The following TNNI3K variants were observed in gnomAD, a reference collection of about 807,000 sequenced individuals.
TNNI3K encodes the protein serine/threonine-protein kinase TNNI3K.
In TNNI3K, 140 loss-of-function variants were observed where a neutral mutation model predicts 114.5. The ratio of observed to expected loss-of-function variants is 1.22; its 90% CI spans 1.07 to 1.41. The LOEUF is 1.41. Ranked by LOEUF, TNNI3K falls within the 40% of genes most tolerant of loss-of-function variation. The pLI is 0.00. For synonymous variants in TNNI3K, 347 were observed against 347.5 expected (o/e 1.00, Z 0.02); for missense variants, 1,125 against 1,007.6 (o/e 1.12, Z -1.58).
intron 11 of TNNI3K, among the ~76,000 whole-genome samples, chr1:74,356,952 G>T (rs970081410): frequency 4.6e-5 from 7 of 152,164 alleles, no homozygotes; most frequent in Non-Finnish European, 8.8e-5. Context: ...TTTTGCAAAT[G>T]TTCTAGGGCA....
rs898518726 is a variant in TNNI3K, at chr1:74,480,257, G to A, written c.2122-8932G>A. 4.2e-6 allele frequency: 3 copies of A among 717,416 alleles called. No homozygotes were observed. The African/African-American group carries it at 5.2e-5, about 13-fold the overall frequency. The allele number at this position is 717,416 out of a possible 1,614,324, so 44.4% of individuals were successfully genotyped here. A position where few individuals can be genotyped will look rare whatever the true frequency, so the allele number is the denominator to read the frequency against. On this transcript the variant is annotated intron_variant, in intron 21 of 24. Transcript: ENST00000326637. The stretch of plus-strand genomic sequence containing the variant: ...GTTGGGAGCTTTGGAATCACAGTTG[G>A]TCTCAGACAGCCTCAGCACACTCTG...
chr1:74,513,110 C>T (rs1163248304), intron 23 of TNNI3K, among the ~76,000 whole-genome samples: 1 of 152,198 alleles, frequency 6.6e-6, no homozygotes, highest in Non-Finnish European at 1.5e-5. Context: ...TAGCACACAG[C>T]TTGCTCAGTC....
At chr1:74,470,849 G>C (rs1667892031) in intron 21 of TNNI3K, 1 of 400,432 alleles carries the variant, frequency 2.5e-6, no homozygotes, top group Non-Finnish European at 4.4e-6. Flanking sequence ...TGATTCCTCG[G>C]GGACAAAGAA....
intron 2 of TNNI3K, among the ~76,000 whole-genome samples, chr1:74,243,179 A>T (rs565542819): frequency 1.3e-5 from 2 of 152,224 alleles, no homozygotes; most frequent in Non-Finnish European, 2.9e-5. Flanking sequence ...CTCTAACTAT[A>T]ATTGTTTATT....
chr1:74,484,974 G>A (rs575274944), intron 21 of TNNI3K, among the ~76,000 whole-genome samples: 1 of 152,182 alleles, frequency 6.6e-6, no homozygotes, highest in East Asian at 1.9e-4. Flanking sequence ...AAGGATGAGA[G>A]GTAAGCATAT....
intron 5 of TNNI3K, among the ~76,000 whole-genome samples, chr1:74,294,109 A>G (rs1482607877): frequency 6.6e-6 from 1 of 151,768 alleles, no homozygotes; most frequent in African/African-American, 2.4e-5. Context: ...TAATTTACAA[A>G]TAAAAATTAT....
rs569547573 is a variant in TNNI3K, at chr1:74,488,644, G to A, written c.2122-545G>A. Among the ~76,000 whole-genome samples, 7 of 152,240 alleles carry A rather than the reference G, an allele frequency of 4.6e-5. No individual in the cohort carries two copies. The South Asian group carries it at 1.2e-3, about 27-fold the overall frequency. Reference sequence around the variant, plus strand: ...TTTTTAACCAAACTCGTCTGACACAGAGGTTCATAATGGGCAATATTTTTA... The same window carrying A: ...TTTTTAACCAAACTCGTCTGACACAAAGGTTCATAATGGGCAATATTTTTA... On this transcript the variant is annotated intron_variant, in intron 21 of 24. Coordinates refer to ENST00000326637, the MANE Select transcript of TNNI3K (RefSeq NM_015978.3).
chr1:74,250,591 C>A, intron 3 of TNNI3K, 81 bp from the exon 4 acceptor site: 3 of 1,315,752 alleles, frequency 2.3e-6, no homozygotes, highest in Middle Eastern at 1.9e-4. Context: ...AGCTGTATGG[C>A]ATTTATCATT....
intron 17 of TNNI3K, chr1:74,376,793 C>T (rs916046775): frequency 6.6e-6 from 1 of 151,358 alleles, no homozygotes; most frequent in African/African-American, 2.4e-5. Context: ...TACAAACTTT[C>T]CTGAAGAATC....
rs564735792 is a variant in TNNI3K, at chr1:74,244,294, G to A, written c.150-5165G>A. ...TTAAGAGAAGCTGCATGAGTTCAAGGAGGATATAATTCAAGAGGAGAACAA... is the reference window on the plus strand; with the variant it reads ...TTAAGAGAAGCTGCATGAGTTCAAGAAGGATATAATTCAAGAGGAGAACAA... On this transcript the variant is annotated intron_variant, in intron 2 of 24. Coordinates refer to ENST00000326637, the MANE Select transcript of TNNI3K (RefSeq NM_015978.3). Among the ~76,000 whole-genome samples, 3 of 152,142 alleles carry A rather than the reference G, an allele frequency of 2.0e-5. No individual in the cohort carries two copies. The South Asian group carries it at 6.2e-4, about 32-fold the overall frequency.
At chr1:74,460,380 C>T (rs532066794) in intron 20 of TNNI3K, among the ~76,000 whole-genome samples, 1 of 152,290 alleles carries the variant, frequency 6.6e-6, no homozygotes, top group African/African-American at 2.4e-5. Context: ...CTATTGGATA[C>T]TCCTACTCTA....
intron 5 of TNNI3K, among the ~76,000 whole-genome samples, chr1:74,280,622 A>G (rs1463543780): frequency 6.6e-6 from 1 of 152,178 alleles, no homozygotes; most frequent in Non-Finnish European, 1.5e-5. Flanking sequence ...GCCCCCATGG[A>G]GGGAGCATTT....
At chr1:74,458,075 G>T (rs1667300644) in intron 20 of TNNI3K, among the ~76,000 whole-genome samples, 1 of 152,176 alleles carries the variant, frequency 6.6e-6, no homozygotes, top group African/African-American at 2.4e-5. Flanking sequence ...ATGTGCAGAT[G>T]ATGATAATAG....
chr1:74,279,053 A>G (rs1262968424), intron 5 of TNNI3K, among the ~76,000 whole-genome samples: 3 of 152,212 alleles, frequency 2.0e-5, no homozygotes, highest in Non-Finnish European at 4.4e-5. Flanking sequence ...TTATAAATCA[A>G]TGCTGGAAGG....
intron 21 of TNNI3K, chr1:74,475,495 C>A (rs1054954149): frequency 7.0e-6 from 5 of 716,868 alleles, no homozygotes; most frequent in Non-Finnish European, 1.3e-5. Flanking sequence ...GCCTACCCCA[C>A]GGTCTTTCTT....
chr1:74,344,512 A>T (rs1024571128), intron 9 of TNNI3K, among the ~76,000 whole-genome samples: 16 of 152,158 alleles, frequency 1.1e-4, no homozygotes, highest in African/African-American at 3.9e-4. Flanking sequence ...CAGATGCAAG[A>T]ACTCCTTAGA....
At chr1:74,441,083 G>T (rs1250186910) in intron 20 of TNNI3K, among the ~76,000 whole-genome samples, 1 of 151,948 alleles carries the variant, frequency 6.6e-6, no homozygotes, top group African/African-American at 2.4e-5. Flanking sequence ...TAAAAATAGG[G>T]TTTATTTAGG....
intron 17 of TNNI3K, among the ~76,000 whole-genome samples, chr1:74,395,043 CAAAA>C (rs755880566): frequency 7.9e-6 from 1 of 126,282 alleles, no homozygotes; most frequent in Non-Finnish European, 1.7e-5. Flanking sequence ...GACTCCATCT[CAAAA>C]AAAAAAAAAA....
At chr1:74,421,752 T>A (rs540935984) in intron 17 of TNNI3K, among the ~76,000 whole-genome samples, 1 of 152,074 alleles carries the variant, frequency 6.6e-6, no homozygotes, top group Admixed American at 6.6e-5. Flanking sequence ...TTCTGTGTCA[T>A]TGAGGAAGGG....
Sources: gnomAD v4.1 joint callset for allele counts (sites outside exome capture counted in the v4.1 genomes callset) on GRCh38, gnomAD v4.1.1 for gene constraint, MANE v1.5 for transcripts, NCBI Gene and HGNC (gene_info 2026-07-23, HGNC 2026-07-21) for gene names.